COL6A5: variants seen among roughly 807,000 people sequenced by gnomAD.
The protein encoded by COL6A5 is collagen type VI alpha 5 chain.
In COL6A5, 48 loss-of-function variants were observed where a neutral mutation model predicts 65.6. That is an observed-to-expected ratio of 0.73 (90% CI 0.58 to 0.93). The LOEUF is 0.93. Ranked by LOEUF, COL6A5 falls within the 40% of genes least tolerant of loss-of-function variation. The pLI is 0.00. For missense variants in COL6A5, 914 were observed against 928.3 expected, an observed-to-expected ratio of 0.98 and a Z score of 0.20; for synonymous variants, 291 against 322.8, an observed-to-expected ratio of 0.90 and a Z score of 1.05.
Position 130,474,678 on chromosome 3 carries a change from A to T in COL6A5, c.2328+3711A>T, listed in dbSNP as rs563895542. Among the ~76,000 whole-genome samples, 162 of 152,196 alleles carry T rather than the reference A, an allele frequency of 1.1e-3. 1 individual carries two copies. The highest frequency in any genetic ancestry group is 3.7e-3 in the African/African-American group (153 of 41,558). On this transcript the variant is annotated intron_variant, in intron 7 of 7. Coordinates refer to ENST00000512836, the Ensembl canonical transcript of COL6A5. ...TCTAAAATTTTAAAACATTCACTGG[A>T]TGAGCTTAATAGCAGAGTGATGATG...
At chr3:130,384,730 A>G (rs1936119421) in intron 4 of COL6A5, 74 bp from the exon 5 acceptor site, 2 of 1,226,474 alleles carry the variant, frequency 1.6e-6, no homozygotes, top group South Asian at 1.6e-5. Context: ...CCTCAGCCTC[A>G]TGTTCCTTCA....
In COL6A5 at chr3:130,469,070, TA is replaced by T; in HGVS notation, c.1821del (p.Tyr608SerfsTer15). The T allele has an allele frequency of 6.2e-7, 1 of 1,612,994 alleles. No homozygotes were observed. The highest frequency in any genetic ancestry group is 8.5e-7 in the Non-Finnish European group (1 of 1,179,434). On this transcript the variant is annotated frameshift_variant, in exon 6 of 8. Transcript: ENST00000512836. LOFTEE classifies it high-confidence loss of function. ...GCCTAACACTGAAGAATGCCCTGTC[TA>T]CCTGGAATTTGATTTGGTTACTTAT...
chr3:130,375,250 G>T (rs1935721279), intron 2 of COL6A5, among the ~76,000 whole-genome samples: 1 of 152,136 alleles, frequency 6.6e-6, no homozygotes, highest in Admixed American at 6.5e-5. Context: ...TAACCAAGAG[G>T]TTCTGCCTAC....
intron 4 of COL6A5, among the ~76,000 whole-genome samples, chr3:130,450,877 A>G (rs1709415389): frequency 6.6e-6 from 1 of 152,080 alleles, no homozygotes; most frequent in South Asian, 2.1e-4. Context: ...CAGAGAAACT[A>G]TTGGAGCCTG....
chr3:130,434,572 A>G (rs968009652), intron 1 of COL6A5, among the ~76,000 whole-genome samples: 1 of 152,240 alleles, frequency 6.6e-6, no homozygotes, highest in Non-Finnish European at 1.5e-5. Flanking sequence ...AAGCATTCCT[A>G]TTTATCCACA....
chr3:130,351,335 C>T (rs929363560), intron 1 of COL6A5, among the ~76,000 whole-genome samples: 4 of 152,118 alleles, frequency 2.6e-5, no homozygotes, highest in Non-Finnish European at 1.5e-5. Flanking sequence ...AACTAAAGAG[C>T]CTCTGCACAG....
intron 5 of COL6A5, among the ~76,000 whole-genome samples, chr3:130,457,488 T>C (rs1404377260): frequency 6.6e-6 from 1 of 152,028 alleles, no homozygotes; most frequent in Non-Finnish European, 1.5e-5. Flanking sequence ...GTATAGTTAG[T>C]GTAAGGTCCC....
At chr3:130,443,429 A>T in intron 3 of COL6A5, 47 bp from the exon 36 acceptor site, 1 of 1,347,696 alleles carries the variant, frequency 7.4e-7, no homozygotes, top group South Asian at 1.2e-5. Context: ...CCTAGGAAAC[A>T]TCATTTCCAG....
rs996546656 is a variant in COL6A5 at position 130,372,701 on chromosome 3, G to A, written c.-28-910G>A. On this transcript the variant is annotated intron_variant and NMD_transcript_variant, in intron 1 of 41. Coordinates refer to the COL6A5 transcript ENST00000312481. ...AATGGGGAATGACTGCTATGGGTTT[G>A]GGGTTTCTTTTTGGGGTGATAAAAA... is the stretch of plus-strand genomic sequence containing the variant. Among the ~76,000 whole-genome samples, 6 of 152,224 alleles carry A rather than the reference G, an allele frequency of 3.9e-5. No homozygotes were observed. In the South Asian group the frequency reaches 1.2e-3, roughly 32 times the overall value.
rs112512860 is a variant in COL6A5 at position 130,476,764 on chromosome 3, G to A, written c.2328+5797G>A. ...TCAAAAGGATTATCATCAAGTGTGC[G>A]TCTTTGTTGTTTGTTATTATTCTTC... On this transcript the variant is annotated intron_variant, in intron 7 of 7. Coordinates refer to ENST00000512836, the Ensembl canonical transcript of COL6A5. 51 of 519,078 alleles carry A rather than the reference G, an allele frequency of 9.8e-5. 1 individual carries two copies. Among genetic ancestry groups the A allele is most frequent in the African/African-American group, 4.0e-4 (21 of 52,434 alleles). 32.2% of individuals were successfully genotyped at this position (519,078 alleles called of 1,614,324 possible).
intron 5 of COL6A5, among the ~76,000 whole-genome samples, chr3:130,467,943 G>A (rs1348220619): frequency 6.6e-6 from 1 of 151,934 alleles, no homozygotes; most frequent in East Asian, 1.9e-4. Context: ...GGCATTTCCT[G>A]TTGACGCCTC....
chr3:130,468,249 A>G (rs1413247017), intron 5 of COL6A5, among the ~76,000 whole-genome samples: 4 of 152,056 alleles, frequency 2.6e-5, no homozygotes, highest in Non-Finnish European at 4.4e-5. Context: ...AGGTTCTTAG[A>G]GTATGTCATA....
At chr3:130,462,371 A>T (rs946734168) in intron 5 of COL6A5, among the ~76,000 whole-genome samples, 3 of 152,120 alleles carry the variant, frequency 2.0e-5, no homozygotes, top group Non-Finnish European at 4.4e-5. Flanking sequence ...GCATCTGTAC[A>T]CTTGTGCATG....
At chr3:130,383,973 C>A (rs900750028) in intron 4 of COL6A5, among the ~76,000 whole-genome samples, 2 of 152,020 alleles carry the variant, frequency 1.3e-5, no homozygotes, top group African/African-American at 2.4e-5. Context: ...ACAGGCCATG[C>A]TCATGAACAA....
At chr3:130,384,231 A>T (rs2107645954) in intron 4 of COL6A5, among the ~76,000 whole-genome samples, 1 of 152,142 alleles carries the variant, frequency 6.6e-6, no homozygotes, top group Admixed American at 6.6e-5. Flanking sequence ...TGTGGTTGGA[A>T]CACAGTGAGG....
intron 4 of COL6A5, among the ~76,000 whole-genome samples, chr3:130,381,828 T>C (rs371762201): frequency 6.6e-6 from 1 of 152,112 alleles, no homozygotes; most frequent in Non-Finnish European, 1.5e-5. Flanking sequence ...AGGAGGGATA[T>C]GTGGCATAGT....
intron 1 of COL6A5, 70 bp from the exon 2 acceptor site, chr3:130,373,541 C>A: frequency 1.4e-6 from 1 of 723,546 alleles, no homozygotes; most frequent in South Asian, 1.7e-5. Context: ...TGCCCTAATA[C>A]AACTATCCTG....
exon 4 of COL6A5, chr3:130,379,990 C>T: frequency 1.3e-6 from 2 of 1,550,682 alleles, no homozygotes; most frequent in Non-Finnish European, 1.7e-6. Context: ...GAAAAAGCTC[C>T]AGAATGAAAT....
Position 130,398,735 on chromosome 3 carries a change from A to G in COL6A5, c.3991+624A>G, listed in dbSNP as rs367915580. Among the ~76,000 whole-genome samples the G allele has an allele frequency of 7.2e-5, 11 of 152,270 alleles. No individual in the cohort carries two copies. In the East Asian group the frequency reaches 1.5e-3, roughly 21 times the overall value. On this transcript the variant is annotated intron_variant and NMD_transcript_variant, in intron 10 of 41. Coordinates refer to the COL6A5 transcript ENST00000312481. ...GTTGGTGGTGGGGGCAGGGGCAACT[A>G]TGATATAGGGATACAAAAGCCTGGC...
Sources: gnomAD v4.1 joint callset for allele counts (sites outside exome capture counted in the v4.1 genomes callset) on GRCh38, gnomAD v4.1.1 for gene constraint, MANE v1.5 for transcripts, NCBI Gene and HGNC (gene_info 2026-07-23, HGNC 2026-07-21) for gene names.